ATRNL1: variants seen among roughly 807,000 people sequenced by gnomAD.
The protein encoded by ATRNL1 is attractin-like protein 1.
ATRNL1 carries 95 observed loss-of-function variants against 182.7 expected under a neutral mutation model. That is an observed-to-expected ratio of 0.52 (90% confidence interval 0.44 to 0.62). The LOEUF (loss-of-function observed/expected upper bound fraction) is 0.62, where lower values mean the gene tolerates loss of function less well. ATRNL1 is among the 20% of genes least tolerant of loss of function. The probability of loss-of-function intolerance (pLI) is 0.00; values close to 1 mark genes in which losing one functional copy is unlikely to be tolerated. For missense variants in ATRNL1, 1,471 were observed against 1,679.5 expected (o/e 0.88, Z 2.17); for synonymous variants, 576 against 568.3 (o/e 1.01, Z -0.19).
At chr10:115,622,667 CT>C (rs35504785) in intron 26 of ATRNL1, among the ~76,000 whole-genome samples, 47,605 of 151,998 alleles carry the variant, frequency 0.31, 8,454 homozygotes, top group East Asian at 0.7. Flanking sequence ...TGGCTCACGC[CT>C]TGTAATCCAA....
At chr10:115,753,213 A>G (rs960948035) in intron 27 of ATRNL1, among the ~76,000 whole-genome samples, 10 of 152,218 alleles carry the variant, frequency 6.6e-5, no homozygotes, top group African/African-American at 2.4e-4. Context: ...TCTGGGGTAC[A>G]TGTGCAGAAG....
rs189946658 is a variant in ATRNL1, at chr10:115,194,384, T to C, written c.1349-21313T>C. On this transcript the variant is annotated intron_variant, in intron 8 of 28. Coordinates refer to ENST00000355044, the MANE Select transcript of ATRNL1 (RefSeq NM_207303.4). ...ATATTTTTGGTGCTCCAGTGGTACA[T>C]ATAGATTTACAATTGTTCTATCATC... 4.0e-3 allele frequency among the ~76,000 whole-genome samples: 602 copies of C among 152,156 alleles called. 5 individuals are homozygous for C. Among genetic ancestry groups the C allele is most frequent in the African/African-American group, 0.014 (580 of 41,548 alleles).
chr10:115,405,591 A>G (rs1461776841), intron 20 of ATRNL1, among the ~76,000 whole-genome samples: 1 of 152,148 alleles, frequency 6.6e-6, no homozygotes, highest in Non-Finnish European at 1.5e-5. Context: ...TTTGAGATTT[A>G]TCCAAGTTGC....
chr10:115,222,868 G>T (rs1312988308), intron 9 of ATRNL1, among the ~76,000 whole-genome samples: 2 of 152,184 alleles, frequency 1.3e-5, no homozygotes, highest in African/African-American at 4.8e-5. Context: ...TTATAGAGAT[G>T]ATTCTAAATG....
chr10:115,277,793 CT>C (rs1383068786), intron 13 of ATRNL1, among the ~76,000 whole-genome samples: 11 of 152,164 alleles, frequency 7.2e-5, no homozygotes, highest in African/African-American at 2.4e-4. Context: ...ATATTGTCTA[CT>C]TTTTTTCTTT....
chr10:115,756,807 G>A (rs1485276637), intron 27 of ATRNL1, among the ~76,000 whole-genome samples: 4 of 152,098 alleles, frequency 2.6e-5, no homozygotes, highest in African/African-American at 4.8e-5. Flanking sequence ...AAGTCTCTTT[G>A]TAGGTCTCTA....
chr10:115,663,046 G>A (rs571048693), intron 26 of ATRNL1, among the ~76,000 whole-genome samples: 6 of 152,066 alleles, frequency 3.9e-5, no homozygotes, highest in East Asian at 3.9e-4. Context: ...AATTTTTATT[G>A]TTATATAAAT....
At chr10:115,133,923 T>C (rs1453036053) in intron 5 of ATRNL1, among the ~76,000 whole-genome samples, 5 of 152,052 alleles carry the variant, frequency 3.3e-5, no homozygotes, top group Non-Finnish European at 5.9e-5. Context: ...ACATGGAAAC[T>C]GAACAACTTG....
At chr10:115,496,410 T>A (rs1554978290) in intron 24 of ATRNL1, among the ~76,000 whole-genome samples, 1 of 152,186 alleles carries the variant, frequency 6.6e-6, no homozygotes, top group Non-Finnish European at 1.5e-5. Context: ...GTGTGAAAAG[T>A]ATCTTATTTT....
At chr10:115,205,972 G>T (rs568553533) in intron 8 of ATRNL1, among the ~76,000 whole-genome samples, 115 of 152,162 alleles carry the variant, frequency 7.6e-4, no homozygotes, top group Non-Finnish European at 1.3e-3. Flanking sequence ...TTCATCTGAA[G>T]AGCCTCATCT....
At chr10:115,853,868 TA>T (rs1951112853) in intron 28 of ATRNL1, among the ~76,000 whole-genome samples, 1 of 152,184 alleles carries the variant, frequency 6.6e-6, no homozygotes, top group African/African-American at 2.4e-5. Flanking sequence ...TTCTTGTTAA[TA>T]AATATGACTC....
intron 25 of ATRNL1, among the ~76,000 whole-genome samples, chr10:115,532,523 G>T (rs1292781238): frequency 6.6e-6 from 1 of 151,950 alleles, no homozygotes; most frequent in South Asian, 2.1e-4. Context: ...AGGAGATTTT[G>T]GGCTGAGACA....
intron 1 of ATRNL1, among the ~76,000 whole-genome samples, chr10:115,108,767 G>A (rs1554866924): frequency 6.6e-6 from 1 of 152,032 alleles, no homozygotes; most frequent in Admixed American, 6.5e-5. Context: ...AAAATGATTT[G>A]GGGCTGCTTT....
At chr10:115,746,626 T>C (rs1234669933) in intron 27 of ATRNL1, among the ~76,000 whole-genome samples, 1 of 152,072 alleles carries the variant, frequency 6.6e-6, no homozygotes, top group Non-Finnish European at 1.5e-5. Flanking sequence ...TTGACTATAA[T>C]CCTAGGAGTA....
chr10:115,691,590 T>C (rs972545137), intron 26 of ATRNL1, among the ~76,000 whole-genome samples: 1 of 152,066 alleles, frequency 6.6e-6, no homozygotes, highest in Non-Finnish European at 1.5e-5. Flanking sequence ...AGCATGGTGG[T>C]GCATGCCTGC....
At chr10:115,391,840 TTTA>T (rs1464914350) in intron 19 of ATRNL1, among the ~76,000 whole-genome samples, 1 of 152,120 alleles carries the variant, frequency 6.6e-6, no homozygotes, top group Non-Finnish European at 1.5e-5. Flanking sequence ...GTTTTATTTG[TTTA>T]TTATTCATTT....
intron 28 of ATRNL1, among the ~76,000 whole-genome samples, chr10:115,925,948 A>T (rs1555120009): frequency 6.6e-6 from 1 of 152,222 alleles, no homozygotes; most frequent in Non-Finnish European, 1.5e-5. Context: ...CCCCAAATCA[A>T]CAGAATATAC....
chr10:115,658,359 G>A (rs1860469384), intron 26 of ATRNL1, among the ~76,000 whole-genome samples: 1 of 151,700 alleles, frequency 6.6e-6, no homozygotes, highest in African/African-American at 2.4e-5. Flanking sequence ...TTAAAGGAAA[G>A]AGCACATTTT....
At chr10:115,197,015 T>C (rs77147878) in intron 8 of ATRNL1, among the ~76,000 whole-genome samples, 1 of 152,172 alleles carries the variant, frequency 6.6e-6, no homozygotes, top group East Asian at 1.9e-4. Context: ...GCAATGTGTT[T>C]AACATGACTT....
Sources: allele counts gnomAD v4.1 joint callset (sites outside exome capture counted in the v4.1 genomes callset), GRCh38; gene constraint gnomAD v4.1.1; transcripts MANE v1.5; gene names NCBI Gene and HGNC (gene_info 2026-07-23, HGNC 2026-07-21).